HGD: variants seen among roughly 807,000 people sequenced by gnomAD.
HGD encodes the protein homogentisate 1,2-dioxygenase.
A neutral mutation model predicts 60.8 loss-of-function variants in HGD; 61 were observed. That is an observed-to-expected ratio of 1.00 (90% confidence interval 0.82 to 1.24). The LOEUF (loss-of-function observed/expected upper bound fraction) is 1.24. HGD is among the 50% of genes most tolerant of loss of function. The pLI, the probability that HGD is intolerant of heterozygous loss-of-function variation, is 0.00. For synonymous variants in HGD, 212 were observed against 187.7 expected (o/e 1.13, Z -1.06); for missense variants, 542 against 547.1 (o/e 0.99, Z 0.09).
At chr3:120,677,436 G>A (rs1576320951) in intron 1 of HGD, among the ~76,000 whole-genome samples, 1 of 152,242 alleles carries the variant, frequency 6.6e-6, no homozygotes, top group Middle Eastern at 3.4e-3. Flanking sequence ...GTCTCTTATG[G>A]TCGAGACTGC....
intron 4 of HGD, among the ~76,000 whole-genome samples, chr3:120,662,536 T>C (rs1707796684): frequency 6.6e-6 from 1 of 152,050 alleles, no homozygotes; most frequent in Non-Finnish European, 1.5e-5. Context: ...GACTGAGGAA[T>C]CTACATTTTC....
intron 9 of HGD, chr3:120,644,679 G>T: frequency 1.4e-6 from 2 of 1,411,884 alleles, no homozygotes; most frequent in Non-Finnish European, 1.9e-6. Flanking sequence ...GAGTGACTAT[G>T]GTTAACAAAA....
At chr3:120,648,611 T>A (rs1941237685) in intron 6 of HGD, among the ~76,000 whole-genome samples, 1 of 152,228 alleles carries the variant, frequency 6.6e-6, no homozygotes, top group Non-Finnish European at 1.5e-5. Flanking sequence ...ACTTAAGAAT[T>A]TTAAGCTTAC....
At chr3:120,641,783 T>A in intron 10 of HGD, 90 bp from the exon 11 acceptor site, 1 of 860,358 alleles carries the variant, frequency 1.2e-6, no homozygotes. Flanking sequence ...ACCTCTCTCT[T>A]CTTTTGATTT....
At chr3:120,680,605 T>C (rs867194834) in intron 1 of HGD, among the ~76,000 whole-genome samples, 4 of 152,190 alleles carry the variant, frequency 2.6e-5, no homozygotes, top group Non-Finnish European at 5.9e-5. Context: ...AAAGTTTCTA[T>C]CTACTCTTTC....
intron 13 of HGD, among the ~76,000 whole-genome samples, chr3:120,630,361 C>G (rs1271300437): frequency 1.3e-5 from 2 of 152,056 alleles, no homozygotes; most frequent in Non-Finnish European, 2.9e-5. Flanking sequence ...ATCATGCTAC[C>G]CAACTTCAAA....
intron 13 of HGD, among the ~76,000 whole-genome samples, chr3:120,632,801 T>C (rs1032929988): frequency 4.6e-5 from 7 of 152,192 alleles, no homozygotes; most frequent in Admixed American, 3.9e-4. Context: ...GGTTAACTCA[T>C]AGCCATCTGC....
chr3:120,673,034 T>C (rs1230055890), intron 3 of HGD, among the ~76,000 whole-genome samples: 1 of 152,158 alleles, frequency 6.6e-6, no homozygotes, highest in African/African-American at 2.4e-5. Context: ...ATGGTTCAGA[T>C]GAGTAGTAAC....
intron 4 of HGD, among the ~76,000 whole-genome samples, chr3:120,664,994 G>A (rs183375470): frequency 2.0e-5 from 3 of 152,264 alleles, no homozygotes; most frequent in Admixed American, 2.0e-4. Context: ...AATTGCATAG[G>A]GTTAAAGAGT....
chr3:120,677,459 G>T (rs1708152669), intron 1 of HGD, among the ~76,000 whole-genome samples: 1 of 152,142 alleles, frequency 6.6e-6, no homozygotes, highest in African/African-American at 2.4e-5. Context: ...GGGTGAAATA[G>T]ACCCCAGTCT....
intron 8 of HGD, 28 bp from the exon 9 acceptor site, chr3:120,646,394 C>T: frequency 7.1e-7 from 1 of 1,409,728 alleles, no homozygotes; most frequent in Non-Finnish European, 1.0e-6. Flanking sequence ...CACTGGTGTG[C>T]CCTCTGAAAT....
intron 12 of HGD, among the ~76,000 whole-genome samples, chr3:120,636,010 C>G (rs960819439): frequency 2.0e-5 from 3 of 151,866 alleles, no homozygotes; most frequent in Non-Finnish European, 2.9e-5. Flanking sequence ...GTGGCTCATG[C>G]CTGTAATCCC....
At chr3:120,654,881 G>A (rs1941447881) in intron 4 of HGD, among the ~76,000 whole-genome samples, 1 of 152,108 alleles carries the variant, frequency 6.6e-6, no homozygotes, top group Non-Finnish European at 1.5e-5. Flanking sequence ...GACAAGCCTG[G>A]CCAACATAGT....
In HGD at chr3:120,653,985, A is replaced by G. The variant is rs372835262; in HGVS notation, c.283-1334T>C. ...AAATTGCCAAACATCACTTGGGGGA[A>G]ATTTTCTCCCAGTTGAGAACCACTG... On this transcript the variant is annotated intron_variant, in intron 4 of 13. Transcript: ENST00000283871. 1.2e-4 allele frequency among the ~76,000 whole-genome samples: 19 copies of G among 152,276 alleles called. 1 individual carries two copies. In the East Asian group the frequency reaches 2.3e-3, roughly 19 times the overall value.
chr3:120,643,410 C>T (rs1941053526), intron 10 of HGD, among the ~76,000 whole-genome samples: 1 of 152,214 alleles, frequency 6.6e-6, no homozygotes, highest in South Asian at 2.1e-4. Context: ...AGGCATGAGC[C>T]ACCATGCCCA....
At chr3:120,675,770 T>C (rs1277428912) in intron 2 of HGD, 22 bp downstream of exon 2, 1 of 1,597,146 alleles carries the variant, frequency 6.3e-7, no homozygotes, top group Admixed American at 1.7e-5. Flanking sequence ...AGAGCTCTTC[T>C]AAGCACTTTA....
intron 2 of HGD, among the ~76,000 whole-genome samples, 179 bp downstream of exon 2, chr3:120,675,613 A>G (rs1008606640): frequency 6.6e-5 from 10 of 152,152 alleles, no homozygotes; most frequent in African/African-American, 2.4e-4. Context: ...CCACCAATCC[A>G]ATTTTAATCT....
chr3:120,669,483 A>ACACACACACACACACACC (rs1455844316), intron 4 of HGD, among the ~76,000 whole-genome samples: 2 of 148,470 alleles, frequency 1.3e-5, no homozygotes, highest in African/African-American at 5.0e-5. Flanking sequence ...ACACACACAC[A>ACACACACACACACACACC]CACGCAGACT....
chr3:120,652,440 C>T, intron 5 of HGD, 152 bp downstream of exon 5: 1 of 663,148 alleles, frequency 1.5e-6, no homozygotes, highest in Non-Finnish European at 2.8e-6. Flanking sequence ...TAAGACATCC[C>T]TCCGCCAGCC....
Sources: allele counts gnomAD v4.1 joint callset (sites outside exome capture counted in the v4.1 genomes callset), GRCh38; gene constraint gnomAD v4.1.1; transcripts MANE v1.5; gene names NCBI Gene and HGNC (gene_info 2026-07-23, HGNC 2026-07-21).